Variants in PDE9A observed in about 807,000 individuals in gnomAD.
PDE9A encodes the protein high affinity cGMP-specific 3',5'-cyclic phosphodiesterase 9A.
PDE9A carries 60 observed loss-of-function variants against 87.4 expected under a neutral mutation model. That is an observed-to-expected ratio of 0.69 (90% CI 0.56 to 0.85). PDE9A has a LOEUF of 0.85. Among genes scored for constraint, PDE9A ranks in the 40% least tolerant of loss-of-function variants. PDE9A has a pLI of 0.00. For synonymous variants in PDE9A, 272 were observed against 279.4 expected, an observed-to-expected ratio of 0.97 and a Z score of 0.27; for missense variants, 665 against 779.0, an observed-to-expected ratio of 0.85 and a Z score of 1.74.
In PDE9A at chr21:42,686,353, G is replaced by A. The variant is rs1192948164; in HGVS notation, c.140+91G>A. Reference sequence around the variant, plus strand: ...GGGAGGGGCGGGAAGAGGCGCTGAAGGGCCCGAGGCACCGGCCTTCTACAA... The same window carrying A: ...GGGAGGGGCGGGAAGAGGCGCTGAAAGGCCCGAGGCACCGGCCTTCTACAA... On this transcript the variant is annotated intron_variant, in intron 2 of 19. Transcript: ENST00000291539. 6.0e-6 allele frequency: 6 copies of A among 1,000,382 alleles called. No homozygotes were observed. In the East Asian group the frequency reaches 7.2e-5, roughly 12 times the overall value. 62.0% of individuals were successfully genotyped at this position (1,000,382 alleles called of 1,614,324 possible).
intron 4 of PDE9A, among the ~76,000 whole-genome samples, chr21:42,725,950 G>A (rs1466338569): frequency 6.6e-6 from 1 of 152,118 alleles, no homozygotes; most frequent in Non-Finnish European, 1.5e-5. Flanking sequence ...ATTCCCACCA[G>A]CCACGAGTGA....
chr21:42,770,771 G>A lies in PDE9A; in HGVS notation c.1659G>A (p.Leu553=). ...LWESRDRYEE[L]KRIDDAMKEL... ...AATCCCGAGATCGCTACGAGGAGCTGAAGCGGATAGATGACGCCATGAAAG... is the reference window on the plus strand; with the variant it reads ...AATCCCGAGATCGCTACGAGGAGCTAAAGCGGATAGATGACGCCATGAAAG... The change falls in exon 18 of 20, where the codon CTG becomes CTA. Residue 553 remains leucine (L), a synonymous_variant. Coordinates refer to ENST00000291539, the MANE Select transcript of PDE9A (RefSeq NM_002606.3). 2 of 1,613,998 alleles carry A rather than the reference G, an allele frequency of 1.2e-6. No homozygotes were observed. Among genetic ancestry groups the A allele is most frequent in the African/African-American group, 1.3e-5 (1 of 75,054 alleles).
chr21:42,711,693 AG>A (rs1350922790), intron 4 of PDE9A, among the ~76,000 whole-genome samples: 2 of 152,086 alleles, frequency 1.3e-5, no homozygotes, highest in African/African-American at 2.4e-5. Context: ...CAATCTGTTG[AG>A]ATGTTATGTT....
intron 3 of PDE9A, among the ~76,000 whole-genome samples, chr21:42,689,017 A>G (rs969350338): frequency 2.0e-5 from 3 of 149,320 alleles, no homozygotes; most frequent in Non-Finnish European, 4.4e-5. Context: ...CTCAGTAGAC[A>G]TGGCCAGTGC....
chr21:42,725,149 C>T (rs2284964), intron 4 of PDE9A, among the ~76,000 whole-genome samples: 47,132 of 152,022 alleles, frequency 0.31, 7,524 homozygotes, highest in East Asian at 0.4. Flanking sequence ...TCCCACCTGC[C>T]GCTCTTTAAT....
chr21:42,689,960 C>T, intron 3 of PDE9A: 1 of 982,390 alleles, frequency 1.0e-6, no homozygotes. Context: ...GATGGAGACA[C>T]ACGCGGATGA....
chr21:42,756,063 G>C (rs2269162), intron 10 of PDE9A, among the ~76,000 whole-genome samples: 48,776 of 152,204 alleles, frequency 0.32, 9,920 homozygotes, highest in Non-Finnish European at 0.46. Flanking sequence ...GCTGCTCTCG[G>C]GGCTGGCAGG....
intron 3 of PDE9A, among the ~76,000 whole-genome samples, chr21:42,698,748 G>A (rs1452312164): frequency 1.3e-5 from 2 of 152,008 alleles, no homozygotes; most frequent in East Asian, 1.9e-4. Context: ...GACCAAACAC[G>A]AACATTATAG....
chr21:42,687,774 AC>A (rs1406747297), intron 2 of PDE9A, 142 bp from the exon 3 acceptor site: 2 of 657,404 alleles, frequency 3.0e-6, no homozygotes, highest in Non-Finnish European at 5.4e-6. Context: ...ACGGCCTCCC[AC>A]CCTTCCCATC....
Position 42,770,759 on chromosome 21 carries a change from C to A in PDE9A, c.1647C>A (p.Arg549=). The A allele has an allele frequency of 1.9e-6, 3 of 1,614,076 alleles. No individual in the cohort carries two copies. Among genetic ancestry groups the A allele is most frequent in the Non-Finnish European group, 2.5e-6 (3 of 1,179,936 alleles). The change falls in exon 18 of 20, where the codon CGC becomes CGA. Residue 549 remains arginine, a synonymous_variant. Transcript: ENST00000291539. The part of the protein sequence containing the change: ...MLQPLWESRD[R]YEELKRIDDA... ...AGCCACTTTGGGAATCCCGAGATCG[C>A]TACGAGGAGCTGAAGCGGATAGATG...
At chr21:42,663,733 T>C (rs2057765455) in intron 1 of PDE9A, among the ~76,000 whole-genome samples, 1 of 152,094 alleles carries the variant, frequency 6.6e-6, no homozygotes, top group South Asian at 2.1e-4. Context: ...GCCTGCCCCA[T>C]GTCCCTCAGC....
chr21:42,726,621 TATA>T (rs1163605088), intron 4 of PDE9A, among the ~76,000 whole-genome samples: 4 of 36,544 alleles, frequency 1.1e-4, no homozygotes, highest in African/African-American at 3.7e-4. Flanking sequence ...TATATATATA[TATA>T]TTTTTTTTTT....
At chr21:42,764,792 G>C (rs911037616) in intron 14 of PDE9A, among the ~76,000 whole-genome samples, 1 of 152,128 alleles carries the variant, frequency 6.6e-6, no homozygotes, top group Non-Finnish European at 1.5e-5. Flanking sequence ...ACAATTAAAT[G>C]TTTACAGGAA....
rs555785612 is a variant in PDE9A at position 42,691,893 on chromosome 21, T to C, written c.218+3899T>C. On this transcript the variant is annotated intron_variant, in intron 3 of 19. Coordinates refer to ENST00000291539, the MANE Select transcript of PDE9A (RefSeq NM_002606.3). ...ATCACTATCCAAAGTGACCAGCCCC[T>C]TTACCATCACTATCCAAAGTCACCC... is the stretch of plus-strand genomic sequence containing the variant. Among the ~76,000 whole-genome samples the C allele has an allele frequency of 7.1e-5, 10 of 140,050 alleles. No homozygotes were observed. The East Asian group carries it at 1.6e-3, about 22-fold the overall frequency. The allele number at this position is 140,050 out of a possible 152,430, so 91.9% of individuals were successfully genotyped here.
At chr21:42,770,262 T>TC (rs1036295620) in intron 17 of PDE9A, among the ~76,000 whole-genome samples, 2 of 151,904 alleles carry the variant, frequency 1.3e-5, no homozygotes, top group East Asian at 1.9e-4. Context: ...CATCTCTTGT[T>TC]CCCCCCGGGG....
rs190638498 is a variant in PDE9A, at chr21:42,759,471, A to T, written c.897+386A>T. On this transcript the variant is annotated intron_variant, in intron 11 of 19. Coordinates refer to ENST00000291539, the MANE Select transcript of PDE9A (RefSeq NM_002606.3). The surrounding 1 kb of genome is among the most constrained non-coding windows in gnomAD (Gnocchi z 7.2). ...TGTGTGAGTGTGGGGTGTGGATGTG[A>T]GCATGGGGGTGTCTGCATGTGTTTG... 7.4e-6 allele frequency among the ~76,000 whole-genome samples: 1 copy of T among 135,176 alleles called. No individual in the cohort carries two copies. The highest frequency in any genetic ancestry group is 2.3e-4 in the East Asian group (1 of 4,426). 88.7% of individuals were successfully genotyped at this position (135,176 alleles called of 152,430 possible).
At position 42,764,619 on chromosome 21, in the gene PDE9A, C is replaced by T. The variant is rs1056351964; in HGVS notation, c.1243-762C>T. On this transcript the variant is annotated intron_variant, in intron 14 of 19. Coordinates refer to ENST00000291539, the MANE Select transcript of PDE9A (RefSeq NM_002606.3). ...TCTGCACAGGGGATCGTTCTCGTGCCCATCCACCGTGGGGACACACCAGCA... is the reference window on the plus strand; with the variant it reads ...TCTGCACAGGGGATCGTTCTCGTGCTCATCCACCGTGGGGACACACCAGCA... Among the ~76,000 whole-genome samples the T allele has an allele frequency of 2.0e-5, 3 of 152,240 alleles. No individual in the cohort carries two copies. The South Asian group carries it at 6.2e-4, about 31-fold the overall frequency.
intron 1 of PDE9A, among the ~76,000 whole-genome samples, chr21:42,663,232 A>G (rs1432170583): frequency 6.6e-6 from 1 of 150,880 alleles, no homozygotes; most frequent in Non-Finnish European, 1.5e-5. Flanking sequence ...CCACACATGC[A>G]TATCACACAC....
rs759909567 is a variant in PDE9A at position 42,760,360 on chromosome 21, C to G, written c.930C>G (p.Pro310=). 3 of 1,610,030 alleles carry G rather than the reference C, an allele frequency of 1.9e-6. No individual in the cohort carries two copies. The highest frequency in any genetic ancestry group is 2.5e-6 in the Non-Finnish European group (3 of 1,179,270). The change falls in exon 12 of 20, where the codon CCC becomes CCG. Residue 310 remains proline, a synonymous_variant. Transcript: ENST00000291539. This position sits in a 1 kb window ranked among gnomAD's most constrained non-coding sequence, Gnocchi z 5.2. ...FCVHDNYRNN[P]FHNFRHCFCV... Reference sequence around the variant, plus strand: ...TCCACGACAACTACAGAAACAACCCCTTCCACAACTTCCGGCACTGCTTCT... The same window carrying G: ...TCCACGACAACTACAGAAACAACCCGTTCCACAACTTCCGGCACTGCTTCT...
Sources: allele counts gnomAD v4.1 joint callset (sites outside exome capture counted in the v4.1 genomes callset), GRCh38; gene constraint gnomAD v4.1.1; non-coding constraint Gnocchi (gnomAD v3.1); transcripts MANE v1.5; gene names NCBI Gene and HGNC (gene_info 2026-07-23, HGNC 2026-07-21).